CELSR1: variants seen among roughly 807,000 people sequenced by gnomAD.
CELSR1 encodes adhesion G protein-coupled receptor C1.
CELSR1 carries 110 observed loss-of-function variants against 249.1 expected under a neutral mutation model. That is an observed-to-expected ratio of 0.44 (90% CI 0.38 to 0.52). The LOEUF (loss-of-function observed/expected upper bound fraction) is 0.52, where lower values mean the gene tolerates loss of function less well. Among genes scored for constraint, CELSR1 ranks in the 20% least tolerant of loss-of-function variants. The probability of loss-of-function intolerance (pLI) is 0.00; values close to 1 mark genes in which losing one functional copy is unlikely to be tolerated. For missense variants in CELSR1, 4,109 were observed against 4,296.4 expected (o/e 0.96, Z 1.22); for synonymous variants, 2,113 against 1,900.0 (o/e 1.11, Z -2.92).
intron 18 of CELSR1, among the ~76,000 whole-genome samples, chr22:46,388,642 T>C (rs1324591547): frequency 2.0e-5 from 3 of 152,104 alleles, no homozygotes; most frequent in Non-Finnish European, 4.4e-5. Flanking sequence ...GGGGGTCCTG[T>C]CTGGACGAAG....
intron 2 of CELSR1, among the ~76,000 whole-genome samples, chr22:46,459,520 C>G (rs1184310251): frequency 6.6e-6 from 1 of 152,350 alleles, no homozygotes; most frequent in Admixed American, 6.5e-5. Flanking sequence ...CGAGGGTCTA[C>G]AGCTGCAGCT....
At position 46,365,606 on chromosome 22, in the gene CELSR1, C is replaced by A; in HGVS notation, c.8384G>T (p.Arg2795Met). ...HGEPDASLMP[R>M]SCKDPPGHDS... ...CATACCAGGGGGATCCTTGCAGCTC[C>A]TGGGCATGAGGGACGCGTCTGGCTC... Residue 2795 changes from arginine (R) to methionine (M), a missense_variant, in exon 31 of 35, where the codon AGG (arginine) becomes ATG (methionine). Arg to Met is a moderately conservative substitution (Grantham distance 91). Around this residue, in one of 7 missense-constraint regions of CELSR1, gnomAD observed 1,805 missense variants for 1,831.6 expected, o/e 0.99. Coordinates refer to ENST00000674500, the MANE Select transcript of CELSR1 (RefSeq NM_001378328.1). 6.3e-7 allele frequency: 1 copy of A among 1,593,862 alleles called. No homozygotes were observed. Among genetic ancestry groups the A allele is most frequent in the Non-Finnish European group, 8.5e-7 (1 of 1,170,840 alleles).
At chr22:46,486,571 A>C (rs1271298994) in intron 1 of CELSR1, among the ~76,000 whole-genome samples, 3 of 143,864 alleles carry the variant, frequency 2.1e-5, no homozygotes, top group Non-Finnish European at 3.0e-5. Context: ...GGCTGGACGC[A>C]GGGGCTCACG....
chr22:46,432,212 G>A (rs542470032), intron 5 of CELSR1, among the ~76,000 whole-genome samples: 2 of 152,364 alleles, frequency 1.3e-5, no homozygotes, highest in East Asian at 3.9e-4. Flanking sequence ...GGCCAGGGAG[G>A]TGGAGGGACG....
At chr22:46,365,508 C>T in intron 31 of CELSR1, 78 bp downstream of exon 31, 1 of 1,539,036 alleles carries the variant, frequency 6.5e-7, no homozygotes, top group Non-Finnish European at 8.8e-7. Context: ...AGTGCTTCTT[C>T]AGGGGCAGTC....
intron 1 of CELSR1, chr22:46,530,608 G>A (rs535702115): frequency 2.0e-3 from 307 of 152,252 alleles, no homozygotes; most frequent in African/African-American, 7.0e-3. Flanking sequence ...ATCTTGTATC[G>A]CTGGATGTCA....
chr22:46,533,376 C>A (rs2080811940), intron 1 of CELSR1, among the ~76,000 whole-genome samples: 1 of 152,270 alleles, frequency 6.6e-6, no homozygotes, highest in Non-Finnish European at 1.5e-5. Context: ...GATCCCCGGT[C>A]TTGAACTTGG....
chr22:46,372,484 AC>A (rs968406370), intron 25 of CELSR1, among the ~76,000 whole-genome samples: 3 of 27,950 alleles, frequency 1.1e-4, no homozygotes, highest in East Asian at 2.9e-3. Context: ...CCACTCGCTT[AC>A]CCCCCATCCA....
At chr22:46,457,904 G>C (rs1417236612) in intron 2 of CELSR1, among the ~76,000 whole-genome samples, 2 of 152,230 alleles carry the variant, frequency 1.3e-5, no homozygotes, top group East Asian at 1.9e-4. Flanking sequence ...AACACAGAAT[G>C]AGTTTCAGGC....
At chr22:46,453,773 G>C (rs1267101646) in intron 2 of CELSR1, among the ~76,000 whole-genome samples, 1 of 152,198 alleles carries the variant, frequency 6.6e-6, no homozygotes, top group Non-Finnish European at 1.5e-5. Context: ...ATCGTGGCCG[G>C]TTATAAACAG....
Position 46,395,805 on chromosome 22 carries a change from A to C in CELSR1, c.5843+800T>G, listed in dbSNP as rs1043405127. Among the ~76,000 whole-genome samples the C allele has an allele frequency of 6.6e-6, 1 of 152,132 alleles. No individual in the cohort carries two copies. Among genetic ancestry groups the C allele is most frequent in the Admixed American group, 6.5e-5 (1 of 15,268 alleles). ...GGTTTATGAAGAACCCAGCAGCTCC[A>C]CCTTGGACAAAGTGACGCTTGTGAT... is the stretch of plus-strand genomic sequence containing the variant. On this transcript the variant is annotated intron_variant, in intron 13 of 34. Coordinates refer to ENST00000674500, the MANE Select transcript of CELSR1 (RefSeq NM_001378328.1). The surrounding 1 kb of genome is among the most constrained non-coding windows in gnomAD (Gnocchi z 5.5).
At chr22:46,462,561 A>C (rs541006691) in intron 2 of CELSR1, among the ~76,000 whole-genome samples, 9 of 152,276 alleles carry the variant, frequency 5.9e-5, no homozygotes, top group Non-Finnish European at 1.2e-4. Context: ...TATATTAAAC[A>C]GATTAATCGA....
rs2078947564 is a variant in CELSR1 at position 46,378,851 on chromosome 22, C to A, written c.7257-134G>T. 6.7e-6 allele frequency: 8 copies of A among 1,200,238 alleles called. No homozygotes were observed. In the East Asian group the frequency reaches 2.0e-4, roughly 31 times the overall value. The allele number at this position is 1,200,238 out of a possible 1,614,324, so 74.3% of individuals were successfully genotyped here. On this transcript the variant is annotated intron_variant, in intron 22 of 34. Coordinates refer to ENST00000674500, the MANE Select transcript of CELSR1 (RefSeq NM_001378328.1). ...AACCAAACAGCAGGTGCCGTGAGTG[C>A]TGAAAGCCCAGCGCCCTCGCAGGCT...
In CELSR1 at chr22:46,473,411, C is replaced by A. The variant is rs2080175935; in HGVS notation, c.3545-9066G>T. Among the ~76,000 whole-genome samples, 2 of 152,138 alleles carry A rather than the reference C, an allele frequency of 1.3e-5. No homozygotes were observed. Among genetic ancestry groups the A allele is most frequent in the African/African-American group, 4.8e-5 (2 of 41,430 alleles). On this transcript the variant is annotated intron_variant, in intron 1 of 34. Coordinates refer to ENST00000674500, the MANE Select transcript of CELSR1 (RefSeq NM_001378328.1). The surrounding 1 kb of genome is among the most constrained non-coding windows in gnomAD (Gnocchi z 6.6). ...GGAGGAAAGGCCAGTTTGTGACCCACCTGGGGCCTTGGAGATGACCCAGTG... is the reference window on the plus strand; with the variant it reads ...GGAGGAAAGGCCAGTTTGTGACCCAACTGGGGCCTTGGAGATGACCCAGTG...
rs1323929911 is a variant in CELSR1 at position 46,407,528 on chromosome 22, AG to A, written c.5226+1467del. On this transcript the variant is annotated intron_variant, in intron 9 of 34. Transcript: ENST00000674500. This position sits in a 1 kb window ranked among gnomAD's most constrained non-coding sequence, Gnocchi z 4.8. ...GCTCCTGTAATCCCAACTACAATGG[AG>A]GCTGAGGCAGGAGAATCGCTTGAAC... Among the ~76,000 whole-genome samples, 1 of 152,178 alleles carries A rather than the reference AG, an allele frequency of 6.6e-6. No homozygotes were observed. The highest frequency in any genetic ancestry group is 1.9e-4 in the East Asian group (1 of 5,182).
chr22:46,493,992 A>G (rs558714805), intron 1 of CELSR1, among the ~76,000 whole-genome samples: 5 of 152,344 alleles, frequency 3.3e-5, no homozygotes. Flanking sequence ...GCAAGCTAGT[A>G]AACTGGAAAA....
rs1347175867 is a variant in CELSR1, at chr22:46,512,152, G to C, written c.3544+21475C>G. ...CAAACACAGCAGCAGCAAGAGTGAC[G>C]GCGGCGCTCATAAGCCCTTACTAAG... is the stretch of plus-strand genomic sequence containing the variant. On this transcript the variant is annotated intron_variant, in intron 1 of 34. Transcript: ENST00000674500. The surrounding 1 kb of genome is among the most constrained non-coding windows in gnomAD (Gnocchi z 5.2). Among the ~76,000 whole-genome samples, 1 of 152,284 alleles carries C rather than the reference G, an allele frequency of 6.6e-6. No individual in the cohort carries two copies. The highest frequency in any genetic ancestry group is 2.1e-4 in the South Asian group (1 of 4,820).
At chr22:46,523,631 G>A (rs996360348) in intron 1 of CELSR1, among the ~76,000 whole-genome samples, 1 of 152,030 alleles carries the variant, frequency 6.6e-6, no homozygotes, top group African/African-American at 2.4e-5. Flanking sequence ...AAGAATACAG[G>A]GCAGGAGAAA....
chr22:46,381,722 C>A lies in CELSR1; in HGVS notation c.7088+124G>T. Reference sequence around the variant, plus strand: ...CAAGGCAATGGTCTCTGTCTCTGGGCCAGGGTCACGGTGAAATGTCACTGT... The same window carrying A: ...CAAGGCAATGGTCTCTGTCTCTGGGACAGGGTCACGGTGAAATGTCACTGT... On this transcript the variant is annotated intron_variant, in intron 21 of 34. Coordinates refer to ENST00000674500, the MANE Select transcript of CELSR1 (RefSeq NM_001378328.1). The surrounding 1 kb of genome is among the most constrained non-coding windows in gnomAD (Gnocchi z 6.0). 3.2e-6 allele frequency: 3 copies of A among 925,030 alleles called. No individual in the cohort carries two copies. The highest frequency in any genetic ancestry group is 3.2e-6 in the Non-Finnish European group (2 of 626,402). The allele number at this position is 925,030 out of a possible 1,614,324, so 57.3% of individuals were successfully genotyped here.
Sources: gnomAD v4.1 joint callset for allele counts (sites outside exome capture counted in the v4.1 genomes callset) on GRCh38, gnomAD v4.1.1 for gene constraint, gnomAD v4.1.1 regional missense constraint, Gnocchi (gnomAD v3.1) non-coding constraint, MANE v1.5 for transcripts, NCBI Gene and HGNC (gene_info 2026-07-23, HGNC 2026-07-21) for gene names.